The following VASP variants were observed in gnomAD, a reference collection of about 807,000 sequenced individuals.
VASP encodes vasodilator stimulated phosphoprotein, also known as vasodilator-stimulated phosphoprotein.
VASP carries 27 observed loss-of-function variants against 54.4 expected under a neutral mutation model. That is an observed-to-expected ratio of 0.50 (90% CI 0.37 to 0.68). The LOEUF is 0.68. Among genes scored for constraint, VASP ranks in the 30% least tolerant of loss-of-function variants. The pLI, the probability that VASP is intolerant of heterozygous loss-of-function variation, is 0.00. For missense variants in VASP, 488 were observed against 528.3 expected (o/e 0.92, Z 0.75); for synonymous variants, 233 against 209.8 (o/e 1.11, Z -0.96).
intron 1 of VASP, 83 bp from the exon 2 acceptor site, chr19:45,517,580 A>C: frequency 6.6e-7 from 1 of 1,523,798 alleles, no homozygotes; most frequent in Non-Finnish European, 8.8e-7. Flanking sequence ...CCTTCCACAC[A>C]CTGTCTTTGT....
chr19:45,517,267 C>T (rs572794128), intron 1 of VASP, among the ~76,000 whole-genome samples: 29 of 152,134 alleles, frequency 1.9e-4, no homozygotes, highest in African/African-American at 6.3e-4. Context: ...GCTGGGATTA[C>T]AGGTGTGAGA....
chr19:45,513,061 C>A (rs966408711), intron 1 of VASP, among the ~76,000 whole-genome samples: 1 of 151,366 alleles, frequency 6.6e-6, no homozygotes, highest in Non-Finnish European at 1.5e-5. Flanking sequence ...TGATCTGGGG[C>A]AAGTGCCTTC....
chr19:45,521,432 C>A (rs1968831773), intron 4 of VASP, 26 bp downstream of exon 4: 3 of 1,506,974 alleles, frequency 2.0e-6, no homozygotes, highest in Admixed American at 4.7e-5. Flanking sequence ...GGGTGGGGAA[C>A]CTTAGCCGCT....
chr19:45,526,451 C>A lies in VASP; in HGVS notation c.*274C>A. The A allele has an allele frequency of 2.6e-6, 1 of 385,698 alleles. No homozygotes were observed. Among genetic ancestry groups the A allele is most frequent in the Non-Finnish European group, 4.6e-6 (1 of 216,310 alleles). 23.9% of individuals were successfully genotyped at this position (385,698 alleles called of 1,614,324 possible). ...GCCGGTCCCTCTGCTGGGGATGCAC[C>A]AATGAACCCCACAGGAAGGGGGAAG... is the stretch of plus-strand genomic sequence containing the variant. On this transcript the variant is annotated 3_prime_UTR_variant, in exon 13 of 13. Transcript: ENST00000245932.
intron 1 of VASP, among the ~76,000 whole-genome samples, chr19:45,513,057 G>C (rs4802259): frequency 0.37 from 56,249 of 151,902 alleles, 11,029 homozygotes; most frequent in Middle Eastern, 0.52. Context: ...TGTGTGATCT[G>C]GGGCAAGTGC....
intron 1 of VASP, among the ~76,000 whole-genome samples, chr19:45,514,606 C>T (rs1181736965): frequency 6.6e-6 from 1 of 152,226 alleles, no homozygotes; most frequent in South Asian, 2.1e-4. Context: ...GGTCACCCAG[C>T]AGGCGCCCTG....
At position 45,513,525 on chromosome 19, in the gene VASP, G is replaced by A. The variant is rs1968643952; in HGVS notation, c.6-4138G>A. On this transcript the variant is annotated intron_variant, in intron 1 of 12. Coordinates refer to ENST00000245932, the MANE Select transcript of VASP (RefSeq NM_003370.4). The stretch of plus-strand genomic sequence containing the variant: ...CTCGCTCTGTCTCCCAGACTGGAGT[G>A]CAGTGGTCTGAGATCGGCTCACTGC... Among the ~76,000 whole-genome samples the A allele has an allele frequency of 2.1e-5, 3 of 139,954 alleles. No individual in the cohort carries two copies. In the South Asian group the frequency reaches 6.7e-4, roughly 31 times the overall value. The allele number at this position is 139,954 out of a possible 152,430, so 91.8% of individuals were successfully genotyped here.
chr19:45,525,314 A>G (rs1229653829), intron 11 of VASP, among the ~76,000 whole-genome samples: 2 of 152,168 alleles, frequency 1.3e-5, no homozygotes, highest in Non-Finnish European at 2.9e-5. Flanking sequence ...CTGTAATCCC[A>G]GCACTTTGGG....
intron 1 of VASP, among the ~76,000 whole-genome samples, chr19:45,513,485 T>C (rs887375902): frequency 7.0e-6 from 1 of 142,114 alleles, no homozygotes; most frequent in Non-Finnish European, 1.5e-5. Context: ...TTTTTTTTTT[T>C]TTTTGAGACA....
At chr19:45,524,207 T>G in intron 10 of VASP, 65 bp downstream of exon 10, 1 of 1,580,978 alleles carries the variant, frequency 6.3e-7, no homozygotes, top group Non-Finnish European at 8.7e-7. Flanking sequence ...GCCCAGGAGG[T>G]CAAGACCAGC....
chr19:45,512,180 C>A (rs1380036172), intron 1 of VASP, among the ~76,000 whole-genome samples: 1 of 152,080 alleles, frequency 6.6e-6, no homozygotes, highest in African/African-American at 2.4e-5. Flanking sequence ...TTGTTTCTTC[C>A]CTCCCCAGTT....
intron 1 of VASP, among the ~76,000 whole-genome samples, chr19:45,509,517 C>CCCACCA (rs3038808): frequency 0.49 from 73,337 of 150,948 alleles, 18,081 homozygotes; most frequent in East Asian, 0.6. Context: ...CCCTGTCCTC[C>CCCACCA]CCACCACCAC....
At chr19:45,508,662 C>T (rs113089957) in intron 1 of VASP, among the ~76,000 whole-genome samples, 1,688 of 152,270 alleles carry the variant, frequency 0.011, 39 homozygotes, top group African/African-American at 0.039. Context: ...CCCACCACGG[C>T]CCCTCCCCCT....
chr19:45,513,682 G>A (rs1228887349), intron 1 of VASP, among the ~76,000 whole-genome samples: 11 of 151,560 alleles, frequency 7.3e-5, no homozygotes, highest in Non-Finnish European at 2.9e-5. Flanking sequence ...TGGCCAGGCT[G>A]GTGTCGAACT....
In VASP at chr19:45,517,768, G is replaced by A. The variant is rs766384712; in HGVS notation, c.111G>A (p.Gln37=). Reference sequence around the variant, plus strand: ...GTCCCCAGGCCTTCAGCCGCGTCCAGATCTACCACAACCCCACGGCCAATT... The same window carrying A: ...GTCCCCAGGCCTTCAGCCGCGTCCAAATCTACCACAACCCCACGGCCAATT... The part of the protein sequence containing the change: ...GTGPQAFSRV[Q]IYHNPTANSF... The change falls in exon 2 of 13, where the codon CAG becomes CAA. Residue 37 remains glutamine (Q), a synonymous_variant. Transcript: ENST00000245932. The A allele has an allele frequency of 3.1e-6, 5 of 1,613,840 alleles. No homozygotes were observed. Among genetic ancestry groups the A allele is most frequent in the Non-Finnish European group, 4.2e-6 (5 of 1,180,024 alleles).
intron 10 of VASP, 147 bp from the exon 11 acceptor site, chr19:45,524,423 C>CA (rs369646184): frequency 0.2 from 122,073 of 617,596 alleles, 29 homozygotes; most frequent in East Asian, 0.24. Context: ...AAACCAAAAC[C>CA]AAAAAAAAAA....
chr19:45,513,940 G>A (rs1324486781), intron 1 of VASP, among the ~76,000 whole-genome samples: 1 of 152,202 alleles, frequency 6.6e-6, no homozygotes, highest in Non-Finnish European at 1.5e-5. Context: ...TAGGTTCTGG[G>A]GACACAGCAG....
chr19:45,522,447 G>A lies in VASP; in HGVS notation c.586G>A (p.Ala196Thr), dbSNP rs1188747393. The change falls in exon 6 of 13, where the codon GCA becomes ACA. Residue 196 changes from alanine to threonine, a missense_variant. Physicochemically the swap from Ala to Thr is moderately conservative, Grantham distance 58 (BLOSUM62 0). Around this residue, in one of 4 missense-constraint regions of VASP, gnomAD observed 226 missense variants for 196.0 expected, o/e 1.15. Transcript: ENST00000245932. ...TTTGCCCCCTTCGGGGGTCCCAGCTGCAGCGCACGGAGCAGGGGGAGGACC... is the reference window on the plus strand; with the variant it reads ...TTTGCCCCCTTCGGGGGTCCCAGCTACAGCGCACGGAGCAGGGGGAGGACC... ...PGLPPSGVPA[A>T]AHGAGGGPPP... 2.6e-6 allele frequency: 4 copies of A among 1,512,630 alleles called. No individual in the cohort carries two copies. The highest frequency in any genetic ancestry group is 1.3e-5 in the South Asian group (1 of 76,562). 93.7% of individuals were successfully genotyped at this position (1,512,630 alleles called of 1,614,324 possible). A position where few individuals can be genotyped will look rare whatever the true frequency, so the allele number is the denominator to read the frequency against.
chr19:45,519,198 T>C (rs1968771819), intron 3 of VASP, among the ~76,000 whole-genome samples: 1 of 152,088 alleles, frequency 6.6e-6, no homozygotes, highest in Admixed American at 6.6e-5. Flanking sequence ...GTATCTTTAG[T>C]AGAGACAAGG....
Sources: allele counts gnomAD v4.1 joint callset (sites outside exome capture counted in the v4.1 genomes callset), GRCh38; gene constraint gnomAD v4.1.1; regional missense constraint gnomAD v4.1.1; transcripts MANE v1.5; gene names NCBI Gene and HGNC (gene_info 2026-07-23, HGNC 2026-07-21).